S100Z: variants seen among roughly 807,000 people sequenced by gnomAD.
The protein encoded by S100Z is S100 calcium binding protein Z.
Under a neutral mutation model 8.5 loss-of-function variants are expected in S100Z, and 11 were observed. That is an observed-to-expected ratio of 1.30 (90% confidence interval 0.82 to 2.15). The LOEUF (loss-of-function observed/expected upper bound fraction) is 2.15, where lower values mean the gene tolerates loss of function less well. Ranked by LOEUF, S100Z falls within the 30% of genes most tolerant of loss-of-function variation. The pLI is 0.00. For missense variants in S100Z, 126 were observed against 117.9 expected, an observed-to-expected ratio of 1.07 and a Z score of -0.32; for synonymous variants, 34 against 43.8, an observed-to-expected ratio of 0.78 and a Z score of 0.89.
rs368434034 is a variant in S100Z, at chr5:76,874,197, C to CT, written c.-56-1092dup. On this transcript the variant is annotated intron_variant, in intron 2 of 4. Coordinates refer to ENST00000317593, the MANE Select transcript of S100Z (RefSeq NM_130772.4). The stretch of plus-strand genomic sequence containing the variant: ...TAAATCAGTGCGTGGAGCACTTCCT[C>CT]TTTTTTTTTTTTTTTCAACTGTCCT... 5.4e-3 allele frequency among the ~76,000 whole-genome samples: 752 copies of CT among 138,732 alleles called. 4 individuals are homozygous for CT. The highest frequency in any genetic ancestry group is 0.01 in the African/African-American group (403 of 38,794). 91.0% of individuals were successfully genotyped at this position (138,732 alleles called of 152,430 possible).
chr5:76,942,185 G>T, the S100Z span, among the ~76,000 whole-genome samples: 1 of 151,874 alleles, frequency 6.6e-6, no homozygotes, highest in African/African-American at 2.4e-5. Context: ...TGCGATCTTT[G>T]CTCACTGCAA....
chr5:76,888,514 T>G (rs537470430), intron 4 of S100Z, among the ~76,000 whole-genome samples: 2 of 151,010 alleles, frequency 1.3e-5, no homozygotes, highest in Admixed American at 1.3e-4. Context: ...TATCTGGGAC[T>G]ACAGGCACTC....
chr5:76,896,811 C>T (rs985600374), intron 4 of S100Z, among the ~76,000 whole-genome samples: 2 of 152,080 alleles, frequency 1.3e-5, no homozygotes, highest in Admixed American at 6.5e-5. Context: ...TTTTCATATA[C>T]CTGTTTGTCA....
the S100Z span, among the ~76,000 whole-genome samples, chr5:76,936,087 CTT>C: frequency 6.6e-6 from 1 of 152,016 alleles, no homozygotes; most frequent in African/African-American, 2.4e-5. Flanking sequence ...AAAATAATGA[CTT>C]TTAAATTGTA....
chr5:76,863,765 C>A (rs773550528), intron 1 of S100Z, among the ~76,000 whole-genome samples: 3 of 152,076 alleles, frequency 2.0e-5, no homozygotes, highest in South Asian at 2.1e-4. Context: ...GTCTCGATCT[C>A]CTGACCTTGT....
chr5:76,879,771 A>G (rs1743329708), intron 4 of S100Z, among the ~76,000 whole-genome samples: 1 of 152,202 alleles, frequency 6.6e-6, no homozygotes, highest in African/African-American at 2.4e-5. Context: ...GAAAGAAGGA[A>G]AACCAGGAGA....
intron 4 of S100Z, among the ~76,000 whole-genome samples, chr5:76,911,199 TA>T (rs1378769971): frequency 6.6e-6 from 1 of 152,208 alleles, no homozygotes; most frequent in Non-Finnish European, 1.5e-5. Context: ...CATAAAGGAT[TA>T]CAGGATATTG....
chr5:76,869,498 C>T (rs938034439), intron 1 of S100Z, among the ~76,000 whole-genome samples: 4 of 152,194 alleles, frequency 2.6e-5, no homozygotes, highest in Non-Finnish European at 5.9e-5. Context: ...GAGCTCCCAA[C>T]ACCATGGTCA....
At chr5:76,926,802 A>C in the S100Z span, among the ~76,000 whole-genome samples, 1 of 152,226 alleles carries the variant, frequency 6.6e-6, no homozygotes, top group African/African-American at 2.4e-5. Flanking sequence ...CAGCTTTGCA[A>C]AATAGAAAGG....
At chr5:76,951,710 AACAG>A in the S100Z span, among the ~76,000 whole-genome samples, 2 of 152,170 alleles carry the variant, frequency 1.3e-5, no homozygotes, top group Non-Finnish European at 2.9e-5. Context: ...CAGGCATCTA[AACAG>A]CCCTTGGGAT....
At chr5:76,891,457 A>G (rs1346211946) in intron 4 of S100Z, among the ~76,000 whole-genome samples, 1 of 152,208 alleles carries the variant, frequency 6.6e-6, no homozygotes, top group African/African-American at 2.4e-5. Context: ...AATCAGATCA[A>G]CATCTGACTG....
chr5:76,915,013 C>T (rs183856071), intron 4 of S100Z, among the ~76,000 whole-genome samples: 25 of 152,260 alleles, frequency 1.6e-4, no homozygotes, highest in Middle Eastern at 3.4e-3. Context: ...GAATCAATTC[C>T]GGACACATAA....
intron 4 of S100Z, among the ~76,000 whole-genome samples, chr5:76,887,530 G>T (rs1454979224): frequency 6.6e-6 from 1 of 151,198 alleles, no homozygotes; most frequent in East Asian, 2.0e-4. Flanking sequence ...CTCCCGAGTA[G>T]CTGGGATCAC....
intron 4 of S100Z, among the ~76,000 whole-genome samples, chr5:76,903,452 T>G (rs1744305872): frequency 6.6e-6 from 1 of 152,228 alleles, no homozygotes; most frequent in Admixed American, 6.5e-5. Context: ...AGTTTGTTTA[T>G]TCAGTTGAAA....
intron 1 of S100Z, among the ~76,000 whole-genome samples, chr5:76,857,429 A>G (rs1346013503): frequency 1.3e-5 from 2 of 151,436 alleles, no homozygotes; most frequent in Non-Finnish European, 2.9e-5. Context: ...CCATATATAT[A>G]CTCTCTGAGA....
intron 1 of S100Z, among the ~76,000 whole-genome samples, chr5:76,869,124 C>A (rs1456326370): frequency 6.6e-6 from 1 of 152,162 alleles, no homozygotes; most frequent in Non-Finnish European, 1.5e-5. Flanking sequence ...GTGAGGATTT[C>A]TGAGCACTTC....
chr5:76,937,424 T>A, the S100Z span, among the ~76,000 whole-genome samples: 1 of 152,020 alleles, frequency 6.6e-6, no homozygotes, highest in African/African-American at 2.4e-5. Flanking sequence ...GTGCATTTTA[T>A]ATATTCTTCC....
At chr5:76,883,650 G>C (rs1743492579) in intron 4 of S100Z, among the ~76,000 whole-genome samples, 3 of 152,224 alleles carry the variant, frequency 2.0e-5, no homozygotes, top group African/African-American at 2.4e-5. Context: ...TCAGTCTTTA[G>C]CCACTAAGCT....
intron 4 of S100Z, among the ~76,000 whole-genome samples, chr5:76,910,086 G>A (rs1744594510): frequency 6.6e-6 from 1 of 152,290 alleles, no homozygotes; most frequent in African/African-American, 2.4e-5. Flanking sequence ...GTTGACCTGT[G>A]TTCTAGAAGG....
Sources: gnomAD v4.1 joint callset for allele counts (sites outside exome capture counted in the v4.1 genomes callset) on GRCh38, gnomAD v4.1.1 for gene constraint, MANE v1.5 for transcripts, NCBI Gene and HGNC (gene_info 2026-07-23, HGNC 2026-07-21) for gene names.